AOX1: variants seen among roughly 807,000 people sequenced by gnomAD.
AOX1 encodes aldehyde oxidase.
AOX1 carries 153 observed loss-of-function variants against 169.5 expected under a neutral mutation model. That is an observed-to-expected ratio of 0.90 (90% CI 0.79 to 1.03). The LOEUF (loss-of-function observed/expected upper bound fraction) is 1.03. AOX1 is among the 50% of genes least tolerant of loss of function. The pLI, the probability that AOX1 is intolerant of heterozygous loss-of-function variation, is 0.00. For missense variants in AOX1, 1,656 were observed against 1,663.9 expected (o/e 1.00, Z 0.08); for synonymous variants, 562 against 581.9 (o/e 0.97, Z 0.49).
chr2:200,653,802 G>A (rs1329716955), intron 26 of AOX1, among the ~76,000 whole-genome samples: 1 of 152,208 alleles, frequency 6.6e-6, no homozygotes, highest in Non-Finnish European at 1.5e-5. Flanking sequence ...AACAGTATGT[G>A]CTCACTCTTT....
intron 4 of AOX1, among the ~76,000 whole-genome samples, 169 bp downstream of exon 4, chr2:200,597,674 G>A (rs1221531988): frequency 6.6e-6 from 1 of 152,222 alleles, no homozygotes; most frequent in Non-Finnish European, 1.5e-5. Flanking sequence ...GGATATGTGA[G>A]TGTTTCTGAC....
In AOX1 at chr2:200,609,137, T is replaced by A; in HGVS notation, c.1059+2T>A. ...GGGTCCCAGATCAGGAACATGGCTG[T>A]ATGTATCTGATGACAGTAAACTCTG... is the stretch of plus-strand genomic sequence containing the variant. On this transcript the variant is annotated splice_donor_variant, in intron 11 of 34. Coordinates refer to ENST00000374700, the MANE Select transcript of AOX1 (RefSeq NM_001159.4). LOFTEE classifies it high-confidence loss of function. The A allele has an allele frequency of 6.2e-7, 1 of 1,613,792 alleles. No individual in the cohort carries two copies. Among genetic ancestry groups the A allele is most frequent in the Non-Finnish European group, 8.5e-7 (1 of 1,179,906 alleles).
Position 200,668,821 on chromosome 2 carries a change from G to A in AOX1, c.3798+18G>A, listed in dbSNP as rs1329923079. 1.9e-6 allele frequency: 3 copies of A among 1,604,358 alleles called. No individual in the cohort carries two copies. The highest frequency in any genetic ancestry group is 2.7e-5 in the African/African-American group (2 of 74,634). On this transcript the variant is annotated intron_variant, in intron 33 of 34. Coordinates refer to ENST00000374700, the MANE Select transcript of AOX1 (RefSeq NM_001159.4). ...CATCTAAGGTAAGTAATGTTCTATG[G>A]GTAAATATGCATGTTTATATGATAC...
chr2:200,658,696 G>T (rs1244137744), intron 27 of AOX1, among the ~76,000 whole-genome samples: 2 of 152,234 alleles, frequency 1.3e-5, no homozygotes, highest in East Asian at 3.8e-4. Flanking sequence ...TGACCCACAT[G>T]TTCATGCCGT....
In AOX1 at chr2:200,605,621, A is replaced by C. The variant is rs1302639331; in HGVS notation, c.900A>C (p.Ala300=). 1 of 1,511,912 alleles carries C rather than the reference A, an allele frequency of 6.6e-7. No individual in the cohort carries two copies. The highest frequency in any genetic ancestry group is 2.1e-5 in the Admixed American group (1 of 48,646). The allele number at this position is 1,511,912 out of a possible 1,614,324, so 93.7% of individuals were successfully genotyped here. The change falls in exon 10 of 35, where the codon GCA becomes GCC. Residue 300 remains alanine, a synonymous_variant. Transcript: ENST00000374700. The part of the protein sequence containing the change: ...RIEELSVVNH[A]YNGLTLGAGL... ...AAGAACTGAGTGTTGTAAACCATGC[A>C]TATAATGGTGAGTTCTCAAGTCCCT... is the stretch of plus-strand genomic sequence containing the variant.
At chr2:200,637,075 T>C (rs760272749) in intron 22 of AOX1, 31 bp downstream of exon 22, 2 of 1,612,080 alleles carry the variant, frequency 1.2e-6, no homozygotes, top group East Asian at 2.2e-5. Context: ...AAAAATAAAG[T>C]GAAGTCACAC....
chr2:200,655,014 A>G (rs1041721960), intron 26 of AOX1, among the ~76,000 whole-genome samples: 3 of 152,232 alleles, frequency 2.0e-5, no homozygotes, highest in African/African-American at 7.2e-5. Context: ...ACAATGTTGG[A>G]AAAGTATAAT....
At chr2:200,627,148 G>A (rs2035022347) in intron 19 of AOX1, among the ~76,000 whole-genome samples, 1 of 152,198 alleles carries the variant, frequency 6.6e-6, no homozygotes, top group Non-Finnish European at 1.5e-5. Context: ...TTCAGACTCA[G>A]TAGGCACATT....
At chr2:200,652,341 A>T (rs1008017048) in intron 26 of AOX1, among the ~76,000 whole-genome samples, 7 of 152,212 alleles carry the variant, frequency 4.6e-5, no homozygotes, top group African/African-American at 1.7e-4. Flanking sequence ...CCTGTTTGTG[A>T]TGGCAAAAAA....
Position 200,634,842 on chromosome 2 carries a change from T to C in AOX1, c.2273T>C (p.Met758Thr). Residue 758 changes from methionine (M) to threonine (T), a missense_variant, in exon 21 of 35, where the codon ATG (methionine) becomes ACG (threonine). Transcript: ENST00000374700. ...CATTTTTATATGGAAACCCAAAGCA[T>C]GCTTGTCGTTCCCAAGGGAGAGGAT... ...QEHFYMETQS[M>T]LVVPKGEDQE... 1 of 1,614,080 alleles carries C rather than the reference T, an allele frequency of 6.2e-7. No homozygotes were observed. Among genetic ancestry groups the C allele is most frequent in the East Asian group, 2.2e-5 (1 of 44,870 alleles).
chr2:200,631,502 T>C (rs1469360264), intron 20 of AOX1, among the ~76,000 whole-genome samples: 1 of 152,194 alleles, frequency 6.6e-6, no homozygotes, highest in Non-Finnish European at 1.5e-5. Context: ...TTTGGGACTT[T>C]AAGGGCCTCT....
chr2:200,604,709 A>G lies in AOX1; in HGVS notation c.683A>G (p.Lys228Arg). ...CTTTTTCAATAGATAATGGCTGAGAAACAGTCGCAAAGGACCAGGGTGTTT... is the reference window on the plus strand; with the variant it reads ...CTTTTTCAATAGATAATGGCTGAGAGACAGTCGCAAAGGACCAGGGTGTTT... ...FPPELMIMAE[K>R]QSQRTRVFGS... is the part of the protein sequence containing the mutation. Residue 228 changes from lysine (K) to arginine (R), a missense_variant, in exon 9 of 35, where the codon AAA (lysine) becomes AGA (arginine). Lys to Arg is a conservative substitution (Grantham distance 26). Coordinates refer to ENST00000374700, the MANE Select transcript of AOX1 (RefSeq NM_001159.4). The G allele has an allele frequency of 6.2e-7, 1 of 1,614,122 alleles. No individual in the cohort carries two copies. The highest frequency in any genetic ancestry group is 2.2e-5 in the East Asian group (1 of 44,884).
At chr2:200,605,501 G>A (rs750255063) in intron 9 of AOX1, 35 bp from the exon 10 acceptor site, 7 of 1,111,586 alleles carry the variant, frequency 6.3e-6, no homozygotes, top group Non-Finnish European at 8.7e-6. Context: ...CTTTATTCTA[G>A]TCTTATTGAT....
chr2:200,678,332 A>C (rs2036126615), downstream of AOX1: 1 of 152,258 alleles, frequency 6.6e-6, no homozygotes, highest in Non-Finnish European at 1.5e-5. Context: ...TGTGAATGCA[A>C]GAATTTTAAA....
intron 16 of AOX1, among the ~76,000 whole-genome samples, chr2:200,616,603 G>C (rs538540112): frequency 6.6e-6 from 1 of 152,186 alleles, no homozygotes; most frequent in Non-Finnish European, 1.5e-5. Flanking sequence ...TGAATCAAAC[G>C]TAAGTACTAA....
rs1260728175 is a variant in AOX1, at chr2:200,668,732, G to A, written c.3727G>A (p.Asp1243Asn). The A allele has an allele frequency of 3.7e-6, 6 of 1,614,166 alleles. No homozygotes were observed. The South Asian group carries it at 5.5e-5, about 15-fold the overall frequency. The change falls in exon 33 of 35, where the codon GAC (aspartate) becomes AAC (asparagine). Residue 1243 changes from aspartate to asparagine, a missense_variant. By Grantham distance (23) the Asp-to-Asn change is conservative. Transcript: ENST00000374700. ...CCAATATAAAATCCCTGCCATCTGT[G>A]ACATGCCCACGGAGTTGCACATTGC... ...PDQYKIPAIC[D>N]MPTELHIALL... is the part of the protein sequence containing the mutation.
chr2:200,674,132 C>T (rs1211290540), downstream of AOX1, among the ~76,000 whole-genome samples: 1 of 152,248 alleles, frequency 6.6e-6, no homozygotes, highest in East Asian at 1.9e-4. Flanking sequence ...GCTTCAGCGT[C>T]TCTCCCTCAA....
At chr2:200,615,712 A>G (rs984687809) in intron 15 of AOX1, among the ~76,000 whole-genome samples, 1 of 152,218 alleles carries the variant, frequency 6.6e-6, no homozygotes, top group African/African-American at 2.4e-5. Context: ...CATAAGAAAC[A>G]TAGAGCTGGT....
chr2:200,660,436 T>C (rs2035798261), intron 29 of AOX1, among the ~76,000 whole-genome samples: 1 of 152,170 alleles, frequency 6.6e-6, no homozygotes, highest in Admixed American at 6.6e-5. Flanking sequence ...AGAAAAACAA[T>C]AGTAGAACCA....
Sources: allele counts gnomAD v4.1 joint callset (sites outside exome capture counted in the v4.1 genomes callset), GRCh38; gene constraint gnomAD v4.1.1; transcripts MANE v1.5; gene names NCBI Gene and HGNC (gene_info 2026-07-23, HGNC 2026-07-21).